Variants in JMJD1C observed in about 807,000 individuals in gnomAD.
JMJD1C encodes jumonji domain containing 1C.
In JMJD1C, 31 loss-of-function variants were observed where a neutral mutation model predicts 245.3. That is an observed-to-expected ratio of 0.13 (90% CI 0.09 to 0.17). JMJD1C has a LOEUF of 0.17. Ranked by LOEUF, JMJD1C falls within the 10% of genes least tolerant of loss-of-function variation. The pLI is 1.00. For missense variants in JMJD1C, 2,691 were observed against 3,000.2 expected (o/e 0.90, Z 2.41); for synonymous variants, 1,057 against 1,017.4 (o/e 1.04, Z -0.74).
Position 63,465,691 on chromosome 10 carries a change from T to G in JMJD1C, c.-29A>C. The G allele has an allele frequency of 1.2e-6, 2 of 1,603,652 alleles. No individual in the cohort carries two copies. The highest frequency in any genetic ancestry group is 8.5e-7 in the Non-Finnish European group (1 of 1,179,388). ...TGTCGCTGCCGAAGCGGCCGCTGCC[T>G]CCTCCAGTGCGAGGGAACCGATGAA... On this transcript the variant is annotated 5_prime_UTR_variant, in exon 1 of 26. Coordinates refer to ENST00000399262, the MANE Select transcript of JMJD1C (RefSeq NM_032776.3).
At chr10:63,186,413 A>G (rs763900925) in intron 18 of JMJD1C, 30 bp from the exon 19 acceptor site, 2 of 1,510,888 alleles carry the variant, frequency 1.3e-6, no homozygotes, top group Admixed American at 2.0e-5. Context: ...ATAACAGTTA[A>G]AAGATATATA....
intron 1 of JMJD1C, among the ~76,000 whole-genome samples, chr10:63,461,345 A>G (rs1011374158): frequency 2.0e-5 from 3 of 152,186 alleles, no homozygotes; most frequent in Non-Finnish European, 4.4e-5. Context: ...TTGTAAACAG[A>G]CCAGAAATCA....
intron 2 of JMJD1C, among the ~76,000 whole-genome samples, chr10:63,299,374 T>C (rs1328004472): frequency 6.8e-6 from 1 of 147,130 alleles, no homozygotes; most frequent in East Asian, 2.0e-4. Flanking sequence ...TTTTTTTTTG[T>C]AGAGATGAGG....
At chr10:63,355,850 T>C (rs1339095587) in intron 2 of JMJD1C, among the ~76,000 whole-genome samples, 1 of 152,104 alleles carries the variant, frequency 6.6e-6, no homozygotes, top group Non-Finnish European at 1.5e-5. Flanking sequence ...TTATTTGGAC[T>C]ACACAATAAT....
intron 2 of JMJD1C, among the ~76,000 whole-genome samples, chr10:63,323,162 G>C (rs1304071260): frequency 2.0e-5 from 3 of 152,130 alleles, no homozygotes; most frequent in Non-Finnish European, 4.4e-5. Context: ...AGCTATGATG[G>C]ACAGGTAGTG....
intron 16 of JMJD1C, among the ~76,000 whole-genome samples, chr10:63,192,529 T>C (rs890213839): frequency 2.0e-5 from 3 of 152,242 alleles, no homozygotes; most frequent in Non-Finnish European, 2.9e-5. Context: ...GATCGTGCCA[T>C]TGCACTCTAG....
chr10:63,420,923 A>G (rs978623101), intron 1 of JMJD1C, among the ~76,000 whole-genome samples: 1 of 152,146 alleles, frequency 6.6e-6, no homozygotes, highest in Non-Finnish European at 1.5e-5. Flanking sequence ...CAAAAAACCA[A>G]AACATGCATT....
intron 1 of JMJD1C, among the ~76,000 whole-genome samples, chr10:63,455,341 C>T (rs1352260333): frequency 6.6e-6 from 1 of 152,050 alleles, no homozygotes; most frequent in Non-Finnish European, 1.5e-5. Flanking sequence ...CAATTCTGCA[C>T]GTTAAAGCTT....
chr10:63,229,962 A>G (rs1042333386), intron 3 of JMJD1C, among the ~76,000 whole-genome samples: 2 of 152,256 alleles, frequency 1.3e-5, no homozygotes, highest in Admixed American at 1.3e-4. Context: ...ACTGGTAAGC[A>G]TATTCATCAG....
intron 10 of JMJD1C, among the ~76,000 whole-genome samples, chr10:63,205,339 C>T (rs1846473136): frequency 6.6e-6 from 1 of 152,180 alleles, no homozygotes; most frequent in Non-Finnish European, 1.5e-5. Context: ...GAGTGAAATA[C>T]AGTCCACATT....
intron 2 of JMJD1C, among the ~76,000 whole-genome samples, chr10:63,358,330 T>G (rs1158000860): frequency 6.6e-6 from 1 of 152,058 alleles, no homozygotes; most frequent in Admixed American, 6.6e-5. Flanking sequence ...TAAATTCTAG[T>G]AAATGGCAAC....
At chr10:63,200,119 C>T (rs1396743944) in intron 11 of JMJD1C, among the ~76,000 whole-genome samples, 1 of 152,072 alleles carries the variant, frequency 6.6e-6, no homozygotes, top group Admixed American at 6.5e-5. Flanking sequence ...TTTAGTTGAA[C>T]TCTTGCAAGT....
rs34778084 is a variant in JMJD1C at position 63,392,867 on chromosome 10, A to AACACACACACACACAC, written c.169-12401_169-12386dup. ...AAAAAGGTGGGCAAAAAAGTACATA[A>AACACACACACACACAC]ACACACACACACACACACACACACA... On this transcript the variant is annotated intron_variant, in intron 1 of 25. Coordinates refer to ENST00000399262, the MANE Select transcript of JMJD1C (RefSeq NM_032776.3). Among the ~76,000 whole-genome samples the AACACACACACACACAC allele has an allele frequency of 2.7e-3, 301 of 112,272 alleles. 1 individual carries two copies. The highest frequency in any genetic ancestry group is 4.8e-3 in the Middle Eastern group (1 of 208). The allele number at this position is 112,272 out of a possible 152,430, so 73.7% of individuals were successfully genotyped here.
At chr10:63,240,807 A>T (rs1465246707) in intron 3 of JMJD1C, among the ~76,000 whole-genome samples, 1 of 152,202 alleles carries the variant, frequency 6.6e-6, no homozygotes, top group Non-Finnish European at 1.5e-5. Flanking sequence ...TTTTTAAAAC[A>T]TAAGGCAGAG....
At chr10:63,341,348 C>T (rs562592489) in intron 2 of JMJD1C, among the ~76,000 whole-genome samples, 63 of 152,326 alleles carry the variant, frequency 4.1e-4, no homozygotes, top group African/African-American at 1.4e-3. Flanking sequence ...GATGAAACAT[C>T]AATGTTGTGG....
intron 2 of JMJD1C, among the ~76,000 whole-genome samples, chr10:63,290,548 A>G (rs1858538378): frequency 6.6e-6 from 1 of 152,060 alleles, no homozygotes; most frequent in Admixed American, 6.6e-5. Context: ...GCGACAGAGC[A>G]AGACTCTGTC....
rs544823708 is a variant in JMJD1C, at chr10:63,299,589, T to C, written c.334-34825A>G. On this transcript the variant is annotated intron_variant, in intron 2 of 25. Transcript: ENST00000399262. ...ACGGCACAAACAATAGCACAAATAA[T>C]AGAGCAAAACAAACATTTCAAATGC... Among the ~76,000 whole-genome samples the C allele has an allele frequency of 3.3e-5, 5 of 152,174 alleles. No homozygotes were observed. In the South Asian group the frequency reaches 1.0e-3, roughly 32 times the overall value.
chr10:63,215,832 T>C (rs1214158876), intron 5 of JMJD1C, 136 bp from the exon 6 acceptor site: 2 of 575,376 alleles, frequency 3.5e-6, no homozygotes, highest in Admixed American at 7.3e-5. Flanking sequence ...GTTATAATAA[T>C]TTGTTTTATT....
chr10:63,310,489 G>A (rs1939027765), intron 2 of JMJD1C, among the ~76,000 whole-genome samples: 1 of 152,222 alleles, frequency 6.6e-6, no homozygotes, highest in Non-Finnish European at 1.5e-5. Context: ...AAAAGAAGAT[G>A]CTACTTAAAG....
Sources: allele counts gnomAD v4.1 joint callset (sites outside exome capture counted in the v4.1 genomes callset), GRCh38; gene constraint gnomAD v4.1.1; transcripts MANE v1.5; gene names NCBI Gene and HGNC (gene_info 2026-07-23, HGNC 2026-07-21).